PTPRD: variants seen among roughly 807,000 people sequenced by gnomAD.
PTPRD encodes the protein receptor-type tyrosine-protein phosphatase delta.
Under a neutral mutation model 214.5 loss-of-function variants are expected in PTPRD, and 34 were observed. The observed-to-expected ratio is 0.16, with a 90% CI of 0.12 to 0.21. The LOEUF (loss-of-function observed/expected upper bound fraction) is 0.21, where lower values mean the gene tolerates loss of function less well. Ranked by LOEUF, PTPRD falls within the 10% of genes least tolerant of loss-of-function variation. PTPRD has a pLI of 1.00. For missense variants in PTPRD, 2,545 were observed against 2,398.7 expected (o/e 1.06, Z -1.27); for synonymous variants, 1,128 against 845.7 (o/e 1.33, Z -5.79).
rs12349019 is a variant in PTPRD at position 10,129,547 on chromosome 9, C to A, written c.-544-95757G>T. Among the ~76,000 whole-genome samples the A allele has an allele frequency of 5.6e-3, 756 of 134,494 alleles. 2 individuals carry two copies. Among genetic ancestry groups the A allele is most frequent in the Non-Finnish European group, 8.5e-3 (541 of 63,382 alleles). The allele number at this position is 134,494 out of a possible 152,430, so 88.2% of individuals were successfully genotyped here. A position where few individuals can be genotyped will look rare whatever the true frequency, so the allele number is the denominator to read the frequency against. Reference sequence around the variant, plus strand: ...TTATCTCACTCGTCTTTTCTTGGTTCCTTCTCCATTGTCTACCATCTCACC... The same window carrying A: ...TTATCTCACTCGTCTTTTCTTGGTTACTTCTCCATTGTCTACCATCTCACC... On this transcript the variant is annotated intron_variant, in intron 3 of 45. Coordinates refer to ENST00000381196, the MANE Select transcript of PTPRD (RefSeq NM_002839.4).
intron 7 of PTPRD, among the ~76,000 whole-genome samples, chr9:9,588,822 A>T (rs2154323355): frequency 6.6e-6 from 1 of 152,090 alleles, no homozygotes; most frequent in Non-Finnish European, 1.5e-5. Flanking sequence ...ATGAGGAATT[A>T]TTAAGAGCCA....
intron 5 of PTPRD, among the ~76,000 whole-genome samples, chr9:9,906,650 A>T (rs1244520062): frequency 6.6e-6 from 1 of 151,968 alleles, no homozygotes; most frequent in East Asian, 1.9e-4. Flanking sequence ...TAACTCACCT[A>T]TCATATAATC....
At chr9:10,460,914 C>T (rs984656053) in intron 2 of PTPRD, among the ~76,000 whole-genome samples, 4 of 152,048 alleles carry the variant, frequency 2.6e-5, no homozygotes, top group African/African-American at 9.7e-5. Flanking sequence ...TAAAAAGTTT[C>T]TTCTCAGCAA....
chr9:8,523,473 T>C lies in PTPRD; in HGVS notation c.691+40A>G, dbSNP rs551154429. The stretch of plus-strand genomic sequence containing the variant: ...TATTCTTTGTTATTGGTTTAATTAA[T>C]AGTTTTGTAAGGTGGGTAAAAAGTA... On this transcript the variant is annotated intron_variant, in intron 19 of 45. Coordinates refer to ENST00000381196, the MANE Select transcript of PTPRD (RefSeq NM_002839.4). 8.8e-5 allele frequency: 141 copies of C among 1,605,044 alleles called. No homozygotes were observed. The South Asian group carries it at 1.4e-3, about 16-fold the overall frequency.
chr9:10,523,738 C>A (rs2053332973), intron 2 of PTPRD, among the ~76,000 whole-genome samples: 1 of 150,298 alleles, frequency 6.7e-6, no homozygotes, highest in South Asian at 2.1e-4. Flanking sequence ...GCTATTGATT[C>A]TCTTTATGAT....
chr9:9,745,907 G>C (rs1353464069), intron 6 of PTPRD, among the ~76,000 whole-genome samples: 2 of 152,022 alleles, frequency 1.3e-5, no homozygotes, highest in African/African-American at 4.8e-5. Context: ...AGTATAATAG[G>C]CTTTAATAAT....
At chr9:10,219,605 G>T (rs1156793127) in intron 3 of PTPRD, among the ~76,000 whole-genome samples, 3 of 151,646 alleles carry the variant, frequency 2.0e-5, no homozygotes, top group Non-Finnish European at 2.9e-5. Context: ...TTTGATAAAG[G>T]TTTCCTTAAA....
At chr9:9,146,523 G>T (rs528526940) in intron 10 of PTPRD, among the ~76,000 whole-genome samples, 1 of 151,990 alleles carries the variant, frequency 6.6e-6, no homozygotes, top group Admixed American at 6.6e-5. Flanking sequence ...GGTGGTTGTC[G>T]TTTTTCTTTT....
intron 8 of PTPRD, among the ~76,000 whole-genome samples, chr9:9,510,810 A>G (rs893811485): frequency 2.0e-5 from 3 of 151,654 alleles, no homozygotes. Context: ...TATTTTTTCA[A>G]TTTGGAAAAC....
At chr9:8,696,938 T>C (rs2097922803) in intron 12 of PTPRD, among the ~76,000 whole-genome samples, 1 of 151,870 alleles carries the variant, frequency 6.6e-6, no homozygotes, top group African/African-American at 2.4e-5. Context: ...CCTTGAACTT[T>C]CCAATAACGG....
chr9:9,816,659 T>C (rs542531814), intron 5 of PTPRD, among the ~76,000 whole-genome samples: 64 of 152,196 alleles, frequency 4.2e-4, no homozygotes, highest in African/African-American at 1.4e-3. Context: ...GAAGACCTTT[T>C]GCGTATTCTG....
At position 9,747,461 on chromosome 9, in the gene PTPRD, T is replaced by G. The variant is rs145424452; in HGVS notation, c.-325-12890A>C. Reference sequence around the variant, plus strand: ...TCCACATTCGTTACAAAACTGGGGCTGAAAATTAAATTGCTTTGAATATAC... The same window carrying G: ...TCCACATTCGTTACAAAACTGGGGCGGAAAATTAAATTGCTTTGAATATAC... On this transcript the variant is annotated intron_variant, in intron 6 of 45. Transcript: ENST00000381196. Among the ~76,000 whole-genome samples the G allele has an allele frequency of 1.6e-3, 239 of 151,994 alleles. 1 individual carries two copies. Among genetic ancestry groups the G allele is most frequent in the African/African-American group, 5.6e-3 (231 of 41,470 alleles).
chr9:8,358,867 G>A (rs1016415539), intron 39 of PTPRD, among the ~76,000 whole-genome samples: 1 of 151,618 alleles, frequency 6.6e-6, no homozygotes, highest in South Asian at 2.1e-4. Context: ...CAGCACTTTG[G>A]GAGGCCGAGG....
At chr9:8,403,029 G>A (rs1185568232) in intron 36 of PTPRD, among the ~76,000 whole-genome samples, 4 of 152,070 alleles carry the variant, frequency 2.6e-5, no homozygotes, top group African/African-American at 4.8e-5. Flanking sequence ...AGGGCCACAG[G>A]TATAGGATTG....
intron 39 of PTPRD, among the ~76,000 whole-genome samples, chr9:8,356,169 T>A (rs2076950228): frequency 6.6e-6 from 1 of 152,336 alleles, no homozygotes; most frequent in Non-Finnish European, 1.5e-5. Context: ...TATGGAATTA[T>A]CTTGTAATAA....
In PTPRD at chr9:9,384,319, A is replaced by T. The variant is rs376888256; in HGVS notation, c.-203+13130T>A. On this transcript the variant is annotated intron_variant, in intron 9 of 45. Transcript: ENST00000381196. The stretch of plus-strand genomic sequence containing the variant: ...AGGTATAAAAGGTTTTATGTTGAAG[A>T]TGATATTTGAGCAGAAGACTAGGCT... Among the ~76,000 whole-genome samples, 4 of 119,506 alleles carry T rather than the reference A, an allele frequency of 3.3e-5. No homozygotes were observed. In the South Asian group the frequency reaches 8.9e-4, roughly 27 times the overall value. 78.4% of individuals were successfully genotyped at this position (119,506 alleles called of 152,430 possible).
intron 9 of PTPRD, among the ~76,000 whole-genome samples, chr9:9,187,465 T>C (rs1029875635): frequency 3.3e-5 from 5 of 152,076 alleles, no homozygotes; most frequent in African/African-American, 4.8e-5. Flanking sequence ...GTCCCTTTTT[T>C]ATGTGCAGTT....
At chr9:8,381,683 T>G (rs944526230) in intron 37 of PTPRD, among the ~76,000 whole-genome samples, 29 of 152,208 alleles carry the variant, frequency 1.9e-4, no homozygotes, top group Non-Finnish European at 2.9e-5. Context: ...ATTCTCAAAA[T>G]AAACCAAATT....
chr9:9,057,840 T>C (rs1390105410), intron 10 of PTPRD, among the ~76,000 whole-genome samples: 1 of 152,158 alleles, frequency 6.6e-6, no homozygotes, highest in African/African-American at 2.4e-5. Flanking sequence ...CTGTTATCAG[T>C]CAAGGTATGT....
Sources: allele counts gnomAD v4.1 joint callset (sites outside exome capture counted in the v4.1 genomes callset), GRCh38; gene constraint gnomAD v4.1.1; transcripts MANE v1.5; gene names NCBI Gene and HGNC (gene_info 2026-07-23, HGNC 2026-07-21).